Variants in CFAP44 observed in about 807,000 individuals in gnomAD.
CFAP44 encodes the protein cilia- and flagella-associated protein 44.
CFAP44 carries 134 observed loss-of-function variants against 216.2 expected under a neutral mutation model. That is an observed-to-expected ratio of 0.62 (90% CI 0.54 to 0.72). The LOEUF is 0.72. CFAP44 is among the 30% of genes least tolerant of loss of function. The pLI, the probability that CFAP44 is intolerant of heterozygous loss-of-function variation, is 0.00. For missense variants in CFAP44, 2,035 were observed against 2,182.1 expected (o/e 0.93, Z 1.34); for synonymous variants, 700 against 727.6 (o/e 0.96, Z 0.61).
At chr3:113,431,212 A>G (rs756114964) in intron 2 of CFAP44, among the ~76,000 whole-genome samples, 1 of 152,178 alleles carries the variant, frequency 6.6e-6, no homozygotes, top group Non-Finnish European at 1.5e-5. Flanking sequence ...TCACGCAGCA[A>G]CAAGGTACAG....
At chr3:113,433,285 T>C (rs983466484) in intron 2 of CFAP44, among the ~76,000 whole-genome samples, 2 of 151,588 alleles carry the variant, frequency 1.3e-5, no homozygotes, top group African/African-American at 4.8e-5. Context: ...AAAAATTGGC[T>C]GGGTGTGGTA....
chr3:113,344,042 C>A (rs1442844244), intron 23 of CFAP44, among the ~76,000 whole-genome samples: 1 of 152,170 alleles, frequency 6.6e-6, no homozygotes, highest in Non-Finnish European at 1.5e-5. Flanking sequence ...TACCTCTATT[C>A]TCTGATCATT....
chr3:113,370,862 G>A (rs1485277245), intron 18 of CFAP44, among the ~76,000 whole-genome samples: 1 of 151,976 alleles, frequency 6.6e-6, no homozygotes, highest in African/African-American at 2.4e-5. Flanking sequence ...TCCTTAAGCT[G>A]ATAAACAACT....
intron 30 of CFAP44, 102 bp from the exon 31 acceptor site, chr3:113,305,254 A>G (rs1949974271): frequency 5.0e-6 from 5 of 994,340 alleles, no homozygotes; most frequent in Non-Finnish European, 7.5e-6. Context: ...GCATGAGCAG[A>G]ATCTGCTTTG....
intron 28 of CFAP44, among the ~76,000 whole-genome samples, chr3:113,319,501 T>G (rs1950121577): frequency 6.6e-6 from 1 of 151,948 alleles, no homozygotes; most frequent in African/African-American, 2.4e-5. Flanking sequence ...GACCTCAACA[T>G]CCCACTGACA....
At chr3:113,346,232 C>A (rs573095467) in intron 22 of CFAP44, among the ~76,000 whole-genome samples, 1 of 152,062 alleles carries the variant, frequency 6.6e-6, no homozygotes, top group Admixed American at 6.6e-5. Context: ...TGTAAAAACA[C>A]ACCAATCAGC....
chr3:113,328,828 T>C (rs894545923), intron 26 of CFAP44, among the ~76,000 whole-genome samples: 3 of 151,844 alleles, frequency 2.0e-5, no homozygotes, highest in Admixed American at 6.6e-5. Context: ...GAATTATTCC[T>C]GCATTTATTT....
intron 19 of CFAP44, among the ~76,000 whole-genome samples, chr3:113,364,620 C>A (rs1213075603): frequency 2.0e-5 from 3 of 152,122 alleles, no homozygotes; most frequent in African/African-American, 7.2e-5. Context: ...GATGCTGATA[C>A]TGGGGCAATT....
At chr3:113,307,046 G>A (rs1949991968) in intron 29 of CFAP44, among the ~76,000 whole-genome samples, 1 of 152,132 alleles carries the variant, frequency 6.6e-6, no homozygotes, top group African/African-American at 2.4e-5. Flanking sequence ...ACAAATTACA[G>A]ATCCCAAAAC....
At chr3:113,381,188 T>A (rs1462558172) in intron 15 of CFAP44, 128 bp from the exon 16 acceptor site, 21 of 550,620 alleles carry the variant, frequency 3.8e-5, no homozygotes. Context: ...AATTCCTCAC[T>A]GCAGTTATTG....
rs184325751 is a variant in CFAP44, at chr3:113,364,219, C to T, written c.2716-687G>A. 3.4e-3 allele frequency among the ~76,000 whole-genome samples: 511 copies of T among 152,142 alleles called. 3 individuals are homozygous for T. Among genetic ancestry groups the T allele is most frequent in the African/African-American group, 0.012 (487 of 41,516 alleles). ...TGATATTAAGGAAGGAGAATTATAA[C>T]CCAGTGAACAAAATAGTCTTAGTTT... On this transcript the variant is annotated intron_variant, in intron 19 of 34. Transcript: ENST00000393845.
chr3:113,314,205 A>T (rs1559908558), intron 28 of CFAP44, among the ~76,000 whole-genome samples: 1 of 152,326 alleles, frequency 6.6e-6, no homozygotes, highest in East Asian at 1.9e-4. Context: ...GAGACACCCA[A>T]ATAAATTTAT....
At chr3:113,304,327 C>T (rs1247093600) in intron 31 of CFAP44, 1 of 573,214 alleles carries the variant, frequency 1.7e-6, no homozygotes, top group African/African-American at 1.9e-5. Context: ...GTGGGGATAG[C>T]AAATCCTCCC....
At chr3:113,421,347 T>C (rs1034543775) in intron 4 of CFAP44, among the ~76,000 whole-genome samples, 4 of 152,098 alleles carry the variant, frequency 2.6e-5, no homozygotes, top group Admixed American at 1.3e-4. Context: ...ATGAGAGATG[T>C]TGGTGAGGCT....
At chr3:113,415,558 T>C (rs1399683369) in intron 6 of CFAP44, among the ~76,000 whole-genome samples, 3 of 152,300 alleles carry the variant, frequency 2.0e-5, no homozygotes, top group East Asian at 1.9e-4. Context: ...TTCTGGTATA[T>C]CCTCTCTTTG....
At chr3:113,343,310 G>A (rs915822919) in intron 23 of CFAP44, among the ~76,000 whole-genome samples, 1 of 152,038 alleles carries the variant, frequency 6.6e-6, no homozygotes, top group Middle Eastern at 3.2e-3. Flanking sequence ...TGATTCACCT[G>A]CCTTGGCCTC....
intron 21 of CFAP44, among the ~76,000 whole-genome samples, chr3:113,361,518 G>A (rs1450243301): frequency 7.3e-6 from 1 of 136,314 alleles, no homozygotes; most frequent in African/African-American, 2.7e-5. Flanking sequence ...TTTTTGAGAT[G>A]GAGTCTCACT....
intron 6 of CFAP44, 84 bp from the exon 7 acceptor site, chr3:113,409,406 C>T: frequency 7.9e-7 from 1 of 1,258,712 alleles, no homozygotes; most frequent in Non-Finnish European, 1.1e-6. Context: ...GAGAGGGAGT[C>T]AGCCCATGGT....
intron 21 of CFAP44, 140 bp from the exon 22 acceptor site, chr3:113,359,015 A>C (rs1950515065): frequency 9.6e-7 from 1 of 1,037,674 alleles, no homozygotes; most frequent in Middle Eastern, 3.1e-4. Flanking sequence ...AAAGAAAAAC[A>C]GCTTATTTTA....
Sources: allele counts gnomAD v4.1 joint callset (sites outside exome capture counted in the v4.1 genomes callset), GRCh38; gene constraint gnomAD v4.1.1; transcripts MANE v1.5; gene names NCBI Gene and HGNC (gene_info 2026-07-23, HGNC 2026-07-21).